Variants in SLC2A11 observed in about 807,000 individuals in gnomAD.
SLC2A11 encodes solute carrier family 2, facilitated glucose transporter member 11.
In SLC2A11, 43 loss-of-function variants were observed where a neutral mutation model predicts 52.1. That is an observed-to-expected ratio of 0.82 (90% CI 0.65 to 1.06). The LOEUF (loss-of-function observed/expected upper bound fraction) is 1.06, where lower values mean the gene tolerates loss of function less well. Ranked by LOEUF, SLC2A11 falls within the 50% of genes least tolerant of loss-of-function variation. The pLI is 0.00. For missense variants in SLC2A11, 582 were observed against 654.2 expected, an observed-to-expected ratio of 0.89 and a Z score of 1.20; for synonymous variants, 261 against 277.6, an observed-to-expected ratio of 0.94 and a Z score of 0.59.
At chr22:23,862,441 G>A (rs73158776) in intron 2 of SLC2A11, 34,737 of 501,286 alleles carry the variant, frequency 0.069, 1,381 homozygotes, top group Middle Eastern at 0.12. Context: ...CTAGTGATGG[G>A]GGGTCAGCCT....
chr22:23,883,616 G>T, intron 8 of SLC2A11, 156 bp from the exon 9 acceptor site: 1 of 598,198 alleles, frequency 1.7e-6, no homozygotes. Flanking sequence ...GTGATTGATT[G>T]ACCAAGTTCC....
Position 23,877,837 on chromosome 22 carries a change from T to G in SLC2A11, c.662T>G (p.Ile221Ser). 1.2e-6 allele frequency: 2 copies of G among 1,613,638 alleles called. No homozygotes were observed. The highest frequency in any genetic ancestry group is 1.7e-6 in the Non-Finnish European group (2 of 1,179,766). The change falls in exon 6 of 12, where the codon ATT becomes AGT. Residue 221 changes from isoleucine to serine, a missense_variant. Coordinates refer to ENST00000316185, the MANE Select transcript of SLC2A11 (RefSeq NM_001024939.4). ...CCTGAAAGCCCGCGCTACCTCCTCA[T>G]TGACTGTGGAGACACCGAGGCCTGC... The part of the protein sequence containing the change: ...LLPESPRYLL[I>S]DCGDTEACLA...
rs1291002334 is a variant in SLC2A11 at position 23,884,534 on chromosome 22, A to T, written c.1299+105A>T. On this transcript the variant is annotated intron_variant, in intron 11 of 11. Coordinates refer to ENST00000316185, the MANE Select transcript of SLC2A11 (RefSeq NM_001024939.4). The surrounding 1 kb of genome is among the most constrained non-coding windows in gnomAD (Gnocchi z 4.3). ...TCCAGGGAGACTGAGACTGAAAGGG[A>T]GGGGTCTTAGGGGAGCAAAGAGGGG... 2 of 1,540,514 alleles carry T rather than the reference A, an allele frequency of 1.3e-6. No individual in the cohort carries two copies. The highest frequency in any genetic ancestry group is 2.8e-5 in the African/African-American group (2 of 72,536).
At chr22:23,878,159 C>T (rs550894301) in intron 6 of SLC2A11, among the ~76,000 whole-genome samples, 69 of 152,336 alleles carry the variant, frequency 4.5e-4, no homozygotes, top group Non-Finnish European at 7.9e-4. Context: ...TGTGCAAGAC[C>T]TCACCTACCC....
intron 9 of SLC2A11, 25 bp downstream of exon 9, chr22:23,883,898 G>C (rs1447057585): frequency 1.2e-6 from 2 of 1,608,796 alleles, no homozygotes; most frequent in Non-Finnish European, 1.7e-6. Context: ...TGAGGGCTGG[G>C]GGGTCCAGGC....
At chr22:23,862,779 A>G (rs1263443255) in intron 2 of SLC2A11, among the ~76,000 whole-genome samples, 1 of 152,082 alleles carries the variant, frequency 6.6e-6, no homozygotes, top group Non-Finnish European at 1.5e-5. Context: ...ATGTGCCACC[A>G]TGCCCAGCTA....
intron 3 of SLC2A11, chr22:23,870,155 A>G (rs1224519208): frequency 9.5e-6 from 6 of 632,428 alleles, no homozygotes; most frequent in Non-Finnish European, 1.7e-5. Flanking sequence ...GGAGTAGGGG[A>G]ACAGTCGCAA....
rs745505162 is a variant in SLC2A11, at chr22:23,882,474, G to A, written c.710G>A (p.Arg237Gln). Residue 237 changes from arginine to glutamine, a missense_variant, in exon 7 of 12, where the codon CGG becomes CAG. Physicochemically the swap from Arg to Gln is conservative, Grantham distance 43. Transcript: ENST00000316185. ...CCTGGCTCAGCACTACGGCGGCTCC[G>A]GGGCTCCGGGGACTTGGCAGGGGAG... ...EACLAALRRLRGSGDLAGELE... is the reference protein window; with the variant it reads ...EACLAALRRLQGSGDLAGELE... 5.8e-6 allele frequency: 9 copies of A among 1,548,122 alleles called. No individual in the cohort carries two copies. The highest frequency in any genetic ancestry group is 2.7e-5 in the African/African-American group (2 of 73,224).
intron 2 of SLC2A11, chr22:23,865,846 G>T (rs1160687109): frequency 1.3e-5 from 2 of 152,198 alleles, no homozygotes; most frequent in East Asian, 3.9e-4. Context: ...GAACACAGAA[G>T]TCCAAAAGTT....
At chr22:23,857,375 G>A, upstream of SLC2A11, 5 of 1,543,878 alleles carry the variant, frequency 3.2e-6, no homozygotes, top group Admixed American at 1.9e-5. Flanking sequence ...GAATGCAGGG[G>A]CTTGGCCGAG....
chr22:23,879,764 C>G (rs1177333810), intron 6 of SLC2A11: 1 of 152,434 alleles, frequency 6.6e-6, no homozygotes, highest in Non-Finnish European at 1.5e-5. Context: ...GTAGCTGGGA[C>G]TCTAGGCACA....
At position 23,884,499 on chromosome 22, in the gene SLC2A11, G is replaced by A. The variant is rs1261682514; in HGVS notation, c.1299+70G>A. On this transcript the variant is annotated intron_variant, in intron 11 of 11. Coordinates refer to ENST00000316185, the MANE Select transcript of SLC2A11 (RefSeq NM_001024939.4). The surrounding 1 kb of genome is among the most constrained non-coding windows in gnomAD (Gnocchi z 4.3). ...CCTGTCATCCTGAGAACCCCAGGGG[G>A]AGGCTTCCATCCAGGGAGACTGAGA... 2 of 1,574,454 alleles carry A rather than the reference G, an allele frequency of 1.3e-6. No individual in the cohort carries two copies. The highest frequency in any genetic ancestry group is 1.8e-5 in the Admixed American group (1 of 56,010).
rs1436195895 is a variant in SLC2A11, at chr22:23,884,294, CCTT to C, written c.1172-5_1172-3del. 8.1e-6 allele frequency: 13 copies of C among 1,611,486 alleles called. No individual in the cohort carries two copies. Among genetic ancestry groups the C allele is most frequent in the Admixed American group, 6.7e-5 (4 of 59,820 alleles). ...CCAGCAGCCCCCTGTCCCTGCCCCTCCTTCTAGCCGGAGTGACGGGGATCCTGG... is the reference window on the plus strand; with the variant it reads ...CCAGCAGCCCCCTGTCCCTGCCCCTCCTAGCCGGAGTGACGGGGATCCTGG... On this transcript the variant is annotated splice_polypyrimidine_tract_variant and splice_region_variant and intron_variant, in intron 10 of 11. Coordinates refer to ENST00000316185, the MANE Select transcript of SLC2A11 (RefSeq NM_001024939.4). The surrounding 1 kb of genome is among the most constrained non-coding windows in gnomAD (Gnocchi z 4.3).
chr22:23,869,462 T>C lies in SLC2A11; in HGVS notation c.290+821T>C, dbSNP rs2032379837. 2.6e-5 allele frequency: 4 copies of C among 152,514 alleles called. No homozygotes were observed. The South Asian group carries it at 8.3e-4, about 32-fold the overall frequency. 9.4% of individuals were successfully genotyped at this position (152,514 alleles called of 1,614,324 possible). A position where few individuals can be genotyped will look rare whatever the true frequency, so the allele number is the denominator to read the frequency against. Reference sequence around the variant, plus strand: ...AAGATCATACCACTGCACTCCAGCCTGGGCAACAGAACAAGACTCCATCTC... The same window carrying C: ...AAGATCATACCACTGCACTCCAGCCCGGGCAACAGAACAAGACTCCATCTC... On this transcript the variant is annotated intron_variant, in intron 3 of 11. Coordinates refer to ENST00000316185, the MANE Select transcript of SLC2A11 (RefSeq NM_001024939.4).
chr22:23,884,886 T>G lies in SLC2A11; in HGVS notation c.*37T>G, dbSNP rs1231986278. 1 of 1,577,600 alleles carries G rather than the reference T, an allele frequency of 6.3e-7. No individual in the cohort carries two copies. The highest frequency in any genetic ancestry group is 1.4e-5 in the African/African-American group (1 of 73,890). On this transcript the variant is annotated 3_prime_UTR_variant, in exon 12 of 12. Transcript: ENST00000316185. This position sits in a 1 kb window ranked among gnomAD's most constrained non-coding sequence, Gnocchi z 4.3. ...TGGCCAGAGCCAAAGCCAGCTACTG[T>G]CCTGTCCTCTGCTTCCTGCCAGGGC... is the stretch of plus-strand genomic sequence containing the variant.
chr22:23,867,475 G>C, intron 2 of SLC2A11: 1 of 315,914 alleles, frequency 3.2e-6, no homozygotes, highest in Admixed American at 4.0e-5. Context: ...TGTGATTACA[G>C]GTGTGAGCCA....
chr22:23,868,687 G>A (rs775362695), intron 3 of SLC2A11, 46 bp downstream of exon 3: 83 of 1,602,512 alleles, frequency 5.2e-5, no homozygotes, highest in Non-Finnish European at 6.3e-5. Context: ...AATGAGGAGC[G>A]CTGCAGCCTG....
chr22:23,857,431 G>C, upstream of SLC2A11: 1 of 1,610,142 alleles, frequency 6.2e-7, no homozygotes, highest in Non-Finnish European at 8.5e-7. Flanking sequence ...AGATGAGCTT[G>C]GGGCTTAGCC....
chr22:23,861,829 T>A (rs1435175236), intron 1 of SLC2A11, among the ~76,000 whole-genome samples: 1 of 152,086 alleles, frequency 6.6e-6, no homozygotes, highest in Non-Finnish European at 1.5e-5. Context: ...CAAGGAGGGA[T>A]GGGAACCGCT....
Sources: allele counts gnomAD v4.1 joint callset (sites outside exome capture counted in the v4.1 genomes callset), GRCh38; gene constraint gnomAD v4.1.1; non-coding constraint Gnocchi (gnomAD v3.1); transcripts MANE v1.5; gene names NCBI Gene and HGNC (gene_info 2026-07-23, HGNC 2026-07-21).